Variants in RBFOX1 observed in about 807,000 individuals in gnomAD.
RBFOX1 encodes the protein RNA binding fox-1 homolog 1.
Under a neutral mutation model 57.7 loss-of-function variants are expected in RBFOX1, and 8 were observed. The observed-to-expected ratio is 0.14, with a 90% confidence interval of 0.08 to 0.25. RBFOX1 has a LOEUF of 0.25. RBFOX1 is among the 10% of genes least tolerant of loss of function. The probability of loss-of-function intolerance (pLI) is 1.00; values close to 1 mark genes in which losing one functional copy is unlikely to be tolerated. For synonymous variants in RBFOX1, 326 were observed against 222.4 expected (o/e 1.47, Z -4.15); for missense variants, 611 against 548.5 (o/e 1.11, Z -1.14).
At chr16:6,850,362 G>C (rs1194162623) in intron 3 of RBFOX1, among the ~76,000 whole-genome samples, 11 of 152,186 alleles carry the variant, frequency 7.2e-5, no homozygotes, top group African/African-American at 2.4e-4. Context: ...GAGTGTAGTT[G>C]GGAGAGAACC....
Position 7,695,925 on chromosome 16 carries a change from G to C in RBFOX1, c.996-13131G>C, listed in dbSNP as rs559227659. 2.0e-5 allele frequency among the ~76,000 whole-genome samples: 3 copies of C among 152,278 alleles called. No individual in the cohort carries two copies. The East Asian group carries it at 5.8e-4, about 29-fold the overall frequency. On this transcript the variant is annotated intron_variant, in intron 14 of 15. Transcript: ENST00000550418. ...GTGCTATTGTCACATTGATGCCCAT[G>C]GTGGATGGGCTAAGCATAGGCAGCC... is the stretch of plus-strand genomic sequence containing the variant.
At chr16:5,453,594 A>G (rs2068494231) in intron 1 of RBFOX1, among the ~76,000 whole-genome samples, 1 of 152,128 alleles carries the variant, frequency 6.6e-6, no homozygotes, top group Non-Finnish European at 1.5e-5. Context: ...AGGAGTCAAT[A>G]TATCCTCTTA....
At chr16:7,697,405 T>G (rs750581513) in intron 14 of RBFOX1, among the ~76,000 whole-genome samples, 20 of 152,202 alleles carry the variant, frequency 1.3e-4, no homozygotes, top group Non-Finnish European at 2.8e-4. Context: ...GCAAACCCTT[T>G]ATCCCTGTAG....
intron 4 of RBFOX1, among the ~76,000 whole-genome samples, chr16:5,902,542 A>T (rs145543918): frequency 0.021 from 3,225 of 152,094 alleles, 48 homozygotes; most frequent in Middle Eastern, 0.034. Context: ...CAGCCACCCG[A>T]GTAGCTGGGA....
At chr16:6,863,383 GC>G (rs1461935778) in intron 3 of RBFOX1, among the ~76,000 whole-genome samples, 1 of 152,036 alleles carries the variant, frequency 6.6e-6, no homozygotes, top group Non-Finnish European at 1.5e-5. Context: ...AGAATGTATG[GC>G]TAAAGATTCA....
intron 1 of RBFOX1, among the ~76,000 whole-genome samples, chr16:6,197,287 G>C (rs1314764181): frequency 6.6e-6 from 1 of 151,706 alleles, no homozygotes; most frequent in African/African-American, 2.4e-5. Flanking sequence ...TTTTTTCCAA[G>C]CTTGAGACTC....
intron 4 of RBFOX1, among the ~76,000 whole-genome samples, chr16:7,251,487 T>C (rs2153022941): frequency 6.7e-6 from 1 of 148,820 alleles, no homozygotes; most frequent in African/African-American, 2.5e-5. Context: ...CTTGGCTCAC[T>C]GCAACCTCTG....
At chr16:7,438,269 T>G (rs1418432479) in intron 4 of RBFOX1, among the ~76,000 whole-genome samples, 4 of 152,104 alleles carry the variant, frequency 2.6e-5, no homozygotes, top group African/African-American at 9.7e-5. Context: ...AGAAACACCT[T>G]ATGTTTGCCA....
chr16:6,864,526 C>G (rs565813604), intron 3 of RBFOX1, among the ~76,000 whole-genome samples: 1 of 150,194 alleles, frequency 6.7e-6, no homozygotes, highest in Non-Finnish European at 1.5e-5. Flanking sequence ...TAGTTTTAAA[C>G]CCCCCTATTC....
chr16:6,878,214 C>G (rs1048416115), intron 3 of RBFOX1, among the ~76,000 whole-genome samples: 6 of 152,152 alleles, frequency 3.9e-5, no homozygotes, highest in Non-Finnish European at 7.3e-5. Context: ...GCAGGCTCAT[C>G]AACAAAGATT....
chr16:5,264,250 T>C (rs551285572), intron 1 of RBFOX1, among the ~76,000 whole-genome samples: 10 of 152,170 alleles, frequency 6.6e-5, no homozygotes, highest in African/African-American at 2.2e-4. Flanking sequence ...CAAGGGGCAT[T>C]AGAATCAAGC....
At chr16:6,752,143 A>G (rs928003193) in intron 3 of RBFOX1, among the ~76,000 whole-genome samples, 2 of 152,170 alleles carry the variant, frequency 1.3e-5, no homozygotes, top group Non-Finnish European at 2.9e-5. Flanking sequence ...TTTGCATTCC[A>G]TTAGTTTCAA....
At chr16:6,335,398 C>T (rs1314977468) in intron 2 of RBFOX1, among the ~76,000 whole-genome samples, 1 of 152,114 alleles carries the variant, frequency 6.6e-6, no homozygotes, top group Non-Finnish European at 1.5e-5. Context: ...GGAGGAAGTT[C>T]TAGAAATGTG....
chr16:7,125,283 C>G (rs997245295), intron 4 of RBFOX1, among the ~76,000 whole-genome samples: 2 of 152,058 alleles, frequency 1.3e-5, no homozygotes, highest in African/African-American at 4.8e-5. Context: ...CTGCAGCATC[C>G]TCATTTGTGC....
At chr16:7,033,775 C>A (rs1568460706) in intron 3 of RBFOX1, among the ~76,000 whole-genome samples, 1 of 152,062 alleles carries the variant, frequency 6.6e-6, no homozygotes, top group African/African-American at 2.4e-5. Flanking sequence ...GGGGACCAGC[C>A]TGAGTAACAT....
chr16:7,561,543 C>T (rs186910994), intron 5 of RBFOX1, among the ~76,000 whole-genome samples: 131 of 152,328 alleles, frequency 8.6e-4, no homozygotes, highest in African/African-American at 3.1e-3. Flanking sequence ...GTTTATGTGA[C>T]AGGATTCTTT....
At chr16:6,992,733 C>G (rs1160697946) in intron 3 of RBFOX1, among the ~76,000 whole-genome samples, 1 of 150,850 alleles carries the variant, frequency 6.6e-6, no homozygotes, top group East Asian at 1.9e-4. Context: ...TGGCATGAGT[C>G]CAAGAGGTCA....
rs148718629 is a variant in RBFOX1, at chr16:7,204,745, C to T, written c.27+152647C>T. On this transcript the variant is annotated intron_variant, in intron 4 of 15. Transcript: ENST00000550418. ...TTTTAGAGCGAGGCTTCCTTCATCT[C>T]CTTTTCTCCCCCTCTCCCCAATCCT... Among the ~76,000 whole-genome samples, 307 of 152,284 alleles carry T rather than the reference C, an allele frequency of 2.0e-3. 1 individual carries two copies. The highest frequency in any genetic ancestry group is 7.0e-3 in the African/African-American group (289 of 41,552).
At chr16:5,728,739 C>T (rs774788259) in intron 3 of RBFOX1, among the ~76,000 whole-genome samples, 1 of 152,138 alleles carries the variant, frequency 6.6e-6, no homozygotes, top group Non-Finnish European at 1.5e-5. Context: ...AGATTTCTTC[C>T]AGGCACAGAG....
Sources: gnomAD v4.1 joint callset for allele counts (sites outside exome capture counted in the v4.1 genomes callset) on GRCh38, gnomAD v4.1.1 for gene constraint, MANE v1.5 for transcripts, NCBI Gene and HGNC (gene_info 2026-07-23, HGNC 2026-07-21) for gene names.